The following SIRT1 variants were observed in gnomAD, a reference collection of about 807,000 sequenced individuals.
The protein encoded by SIRT1 is NAD-dependent protein deacetylase sirtuin-1.
In SIRT1, 24 loss-of-function variants were observed where a neutral mutation model predicts 67.9. The ratio of observed to expected loss-of-function variants is 0.35; its 90% CI spans 0.26 to 0.50. The LOEUF is 0.50. SIRT1 is among the 20% of genes least tolerant of loss of function. The probability of loss-of-function intolerance (pLI) is 0.98; values close to 1 mark genes in which losing one functional copy is unlikely to be tolerated. For missense variants in SIRT1, 873 were observed against 937.2 expected, an observed-to-expected ratio of 0.93 and a Z score of 0.89; for synonymous variants, 378 against 350.7, an observed-to-expected ratio of 1.08 and a Z score of -0.87.
Position 67,914,128 on chromosome 10 carries a change from G to A in SIRT1, c.1915+1097G>A, listed in dbSNP as rs944472865. Reference sequence around the variant, plus strand: ...ACTCTGTCGCCCAGGCTGGAGTGCAGTGGCACGATCTCAGCTCACTGCAAC... The same window carrying A: ...ACTCTGTCGCCCAGGCTGGAGTGCAATGGCACGATCTCAGCTCACTGCAAC... On this transcript the variant is annotated intron_variant, in intron 8 of 8. Transcript: ENST00000212015. Among the ~76,000 whole-genome samples, 3 of 133,740 alleles carry A rather than the reference G, an allele frequency of 2.2e-5. No individual in the cohort carries two copies. In the East Asian group the frequency reaches 6.8e-4, roughly 30 times the overall value. The allele number at this position is 133,740 out of a possible 152,430, so 87.7% of individuals were successfully genotyped here.
chr10:67,900,253 C>T (rs918596905), intron 4 of SIRT1, among the ~76,000 whole-genome samples: 4 of 152,024 alleles, frequency 2.6e-5, no homozygotes, highest in African/African-American at 7.2e-5. Context: ...TCAAGTGATT[C>T]TCCCGCTTCA....
chr10:67,906,361 T>C, intron 4 of SIRT1: 7 of 1,466,476 alleles, frequency 4.8e-6, no homozygotes, highest in African/African-American at 1.4e-5. Flanking sequence ...AAAAAAAATT[T>C]TAAATATTCT....
intron 4 of SIRT1, among the ~76,000 whole-genome samples, chr10:67,895,660 CT>C (rs113561554): frequency 0.15 from 13,000 of 88,344 alleles, 1,536 homozygotes; most frequent in African/African-American, 0.36. Flanking sequence ...GAGAGACTTT[CT>C]TTTTTTTTTG....
intron 4 of SIRT1, among the ~76,000 whole-genome samples, chr10:67,891,967 A>G (rs1359552459): frequency 6.6e-6 from 1 of 152,228 alleles, no homozygotes; most frequent in African/African-American, 2.4e-5. Context: ...ATCATTTGTA[A>G]TTAGAGAATG....
intron 4 of SIRT1, among the ~76,000 whole-genome samples, chr10:67,895,118 C>CT (rs1204540075): frequency 6.6e-6 from 1 of 150,612 alleles, no homozygotes; most frequent in East Asian, 2.0e-4. Flanking sequence ...TGGGAACTGA[C>CT]TAAAAAAAGA....
chr10:67,885,402 C>CG, intron 1 of SIRT1: 5 of 1,228,882 alleles, frequency 4.1e-6, no homozygotes, highest in Non-Finnish European at 5.1e-6. Flanking sequence ...GCAGCCAGGT[C>CG]GGGAGACTCT....
chr10:67,889,241 A>G (rs1842532054), intron 3 of SIRT1, 118 bp downstream of exon 3: 1 of 1,122,218 alleles, frequency 8.9e-7, no homozygotes, highest in African/African-American at 1.5e-5. Context: ...ATGTTTGGGA[A>G]CTGCCAAAAA....
intron 7 of SIRT1, among the ~76,000 whole-genome samples, chr10:67,911,720 C>T (rs925803500): frequency 7.1e-6 from 1 of 141,606 alleles, no homozygotes; most frequent in Admixed American, 7.5e-5. Flanking sequence ...TTCCTTCCTT[C>T]GTCCATCCTT....
chr10:67,889,478 T>A (rs932715979), intron 3 of SIRT1, among the ~76,000 whole-genome samples: 1 of 152,214 alleles, frequency 6.6e-6, no homozygotes, highest in Non-Finnish European at 1.5e-5. Flanking sequence ...TAGATCTTTA[T>A]GAGAAACTGG....
Position 67,916,531 on chromosome 10 carries a change from A to G in SIRT1, c.2182A>G (p.Asn728Asp). The G allele has an allele frequency of 1.2e-6, 2 of 1,614,186 alleles. No individual in the cohort carries two copies. The highest frequency in any genetic ancestry group is 1.7e-6 in the Non-Finnish European group (2 of 1,180,034). ...TGATGGAGATGATCAAGAGGCAATT[A>G]ATGAAGCTATATCTGTGAAACAGGA... is the stretch of plus-strand genomic sequence containing the variant. ...GTDGDDQEAI[N>D]EAISVKQEVT... The change falls in exon 9 of 9, where the codon AAT becomes GAT. Residue 728 changes from asparagine to aspartate, a missense_variant. Physicochemically the swap from Asn to Asp is conservative, Grantham distance 23. Coordinates refer to ENST00000212015, the MANE Select transcript of SIRT1 (RefSeq NM_012238.5).
intron 4 of SIRT1, among the ~76,000 whole-genome samples, chr10:67,894,177 A>G (rs938293729): frequency 2.0e-5 from 3 of 152,198 alleles, no homozygotes; most frequent in Non-Finnish European, 4.4e-5. Context: ...GCATTAGTGT[A>G]AAGTGGGAAA....
At chr10:67,889,863 C>T (rs1842541203) in intron 3 of SIRT1, among the ~76,000 whole-genome samples, 1 of 152,090 alleles carries the variant, frequency 6.6e-6, no homozygotes, top group African/African-American at 2.4e-5. Context: ...GGAGTCAACT[C>T]TGGTAAGATG....
Position 67,895,648 on chromosome 10 carries a change from AAGAG to A in SIRT1, c.942+4098_942+4101del, listed in dbSNP as rs571670448. 8.7e-5 allele frequency among the ~76,000 whole-genome samples: 13 copies of A among 149,754 alleles called. No individual in the cohort carries two copies. In the South Asian group the frequency reaches 2.1e-3, roughly 24 times the overall value. ...GTGAAATTTAGATACTTCAGAAGGA[AAGAG>A]AGACTTTCTTTTTTTTTTGGAAAGA... is the stretch of plus-strand genomic sequence containing the variant. On this transcript the variant is annotated intron_variant, in intron 4 of 8. Coordinates refer to ENST00000212015, the MANE Select transcript of SIRT1 (RefSeq NM_012238.5).
Position 67,916,480 on chromosome 10 carries a change from AGAGCTGGAG to A in SIRT1, c.2140_2148del (p.Gly714_Gly716del). 1 of 1,614,178 alleles carries A rather than the reference AGAGCTGGAG, an allele frequency of 6.2e-7. No individual in the cohort carries two copies. Among genetic ancestry groups the A allele is most frequent in the South Asian group, 1.1e-5 (1 of 91,084 alleles). On this transcript the variant is annotated inframe_deletion, in exon 9 of 9. Transcript: ENST00000212015. ...AGAAGATGAGCCTGATGTTCCAGAG[AGAGCTGGAG>A]GAGCTGGATTTGGGACTGATGGAGA...
chr10:67,892,352 G>A (rs1842587111), intron 4 of SIRT1, among the ~76,000 whole-genome samples: 1 of 152,094 alleles, frequency 6.6e-6, no homozygotes, highest in African/African-American at 2.4e-5. Context: ...GGGAGGATCA[G>A]TTGAGCCCAG....
At position 67,887,524 on chromosome 10, in the gene SIRT1, C is replaced by G; in HGVS notation, c.538C>G (p.Pro180Ala). 1 of 1,602,234 alleles carries G rather than the reference C, an allele frequency of 6.2e-7. No individual in the cohort carries two copies. The highest frequency in any genetic ancestry group is 8.6e-7 in the Non-Finnish European group (1 of 1,169,408). ...HASSSDWTPRPRIGPYTFVQQ... is the reference protein window; with the variant it reads ...HASSSDWTPRARIGPYTFVQQ... ...AAGCTCTAGTGACTGGACTCCAAGG[C>G]CACGGATAGGTATGGCTCAGAGCTG... is the stretch of plus-strand genomic sequence containing the variant. Residue 180 changes from proline to alanine, a missense_variant, in exon 2 of 9, where the codon CCA becomes GCA. By Grantham distance (27) the Pro-to-Ala change is conservative. Around this residue, in one of 3 missense-constraint regions of SIRT1, gnomAD observed 327 missense variants for 283.9 expected, o/e 1.15. Transcript: ENST00000212015.
chr10:67,899,892 T>C (rs1027503738), intron 4 of SIRT1, among the ~76,000 whole-genome samples: 4 of 151,984 alleles, frequency 2.6e-5, no homozygotes, highest in African/African-American at 7.2e-5. Context: ...GAGACCAGCC[T>C]GGCAAACATG....
chr10:67,910,864 T>C (rs1022667645), intron 7 of SIRT1, among the ~76,000 whole-genome samples: 2 of 152,204 alleles, frequency 1.3e-5, no homozygotes, highest in Non-Finnish European at 2.9e-5. Flanking sequence ...TTCAGTTGCA[T>C]CAGATGTGTC....
At chr10:67,896,849 C>A (rs943591136) in intron 4 of SIRT1, among the ~76,000 whole-genome samples, 6 of 149,826 alleles carry the variant, frequency 4.0e-5, no homozygotes, top group Non-Finnish European at 7.4e-5. Flanking sequence ...AAAATGTCTT[C>A]AAAATGTTCC....
Sources: gnomAD v4.1 joint callset for allele counts (sites outside exome capture counted in the v4.1 genomes callset) on GRCh38, gnomAD v4.1.1 for gene constraint, gnomAD v4.1.1 regional missense constraint, MANE v1.5 for transcripts, NCBI Gene and HGNC (gene_info 2026-07-23, HGNC 2026-07-21) for gene names.